PI4KA: variants seen among roughly 807,000 people sequenced by gnomAD.
PI4KA encodes the protein phosphatidylinositol 4-kinase alpha, also known as PI4-kinase alpha.
Under a neutral mutation model 271.4 loss-of-function variants are expected in PI4KA, and 122 were observed. That is an observed-to-expected ratio of 0.45 (90% CI 0.39 to 0.52). The LOEUF (loss-of-function observed/expected upper bound fraction) is 0.52. PI4KA is among the 20% of genes least tolerant of loss of function. The probability of loss-of-function intolerance (pLI) is 0.00; values close to 1 mark genes in which losing one functional copy is unlikely to be tolerated. For synonymous variants in PI4KA, 1,041 were observed against 1,078.8 expected, an observed-to-expected ratio of 0.96 and a Z score of 0.69; for missense variants, 1,969 against 2,769.1, an observed-to-expected ratio of 0.71 and a Z score of 6.48.
chr22:20,780,775 C>CAAAAAAAAAAAAAAAAAAAAAAAAAAAAA (rs538327544), intron 19 of PI4KA, among the ~76,000 whole-genome samples: 11 of 67,664 alleles, frequency 1.6e-4, no homozygotes, highest in East Asian at 4.6e-4. Context: ...GACTCCATCT[C>CAAAAAAAAAAAAAAAAAAAAAAAAAAAAA]AAAAAAAAAA....
intron 43 of PI4KA, among the ~76,000 whole-genome samples, chr22:20,719,499 G>A (rs1195109747): frequency 6.6e-6 from 1 of 152,164 alleles, no homozygotes; most frequent in Non-Finnish European, 1.5e-5. Context: ...GGCAGGCGCT[G>A]TCCTGAGAAG....
rs774801405 is a variant in PI4KA, at chr22:20,753,155, G to A, written c.2817C>T (p.Val939=). 1.4e-5 allele frequency: 22 copies of A among 1,613,284 alleles called. No individual in the cohort carries two copies. The highest frequency in any genetic ancestry group is 4.0e-5 in the African/African-American group (3 of 75,016). Residue 939 remains valine, a synonymous_variant, in exon 24 of 55, where the codon GTC becomes GTT. Coordinates refer to ENST00000255882, the MANE Select transcript of PI4KA (RefSeq NM_058004.4). ...KSGMMQCVIA[V]ADKVFDAFLN... is the part of the protein sequence containing the mutation. ...GGAAGGCATCGAATACTTTGTCCGC[G>A]ACTGCAATCACACACTGCATCATCC...
intron 3 of PI4KA, among the ~76,000 whole-genome samples, chr22:20,824,729 AAATCACACACACACACAC>A (rs1379197913): frequency 7.5e-6 from 1 of 133,710 alleles, no homozygotes; most frequent in Admixed American, 8.4e-5. Flanking sequence ...TAAATGTGAT[AAATCACACACACACACAC>A]ACACACACAC....
At chr22:20,715,838 T>C (rs1470220268) in intron 45 of PI4KA, among the ~76,000 whole-genome samples, 1 of 152,202 alleles carries the variant, frequency 6.6e-6, no homozygotes, top group African/African-American at 2.4e-5. Flanking sequence ...TCAGGGACCA[T>C]GTCTTACTCA....
At chr22:20,798,148 T>A (rs547727785) in intron 17 of PI4KA, among the ~76,000 whole-genome samples, 33 of 152,222 alleles carry the variant, frequency 2.2e-4, no homozygotes, top group Non-Finnish European at 3.8e-4. Flanking sequence ...GATATGTAGC[T>A]GTTAGGCTGT....
chr22:20,799,140 C>T lies in PI4KA; in HGVS notation c.1957G>A (p.Asp653Asn). Residue 653 changes from aspartate to asparagine, a missense_variant, in exon 16 of 55, where the codon GAT becomes AAT. By Grantham distance (23) the Asp-to-Asn change is conservative. This residue lies in a region of PI4KA where 228 missense variants were observed against 261.6 expected (regional missense o/e 0.87). Transcript: ENST00000255882. The part of the protein sequence containing the change: ...QKFCQPPSPL[D>N]VLIIDQLGCL... ...CCCAGCTGGTCAATAATCAGCACAT[C>T]GAGGGGGGAGGGTGGCTGGCAGAAT... 2 of 1,613,212 alleles carry T rather than the reference C, an allele frequency of 1.2e-6. No homozygotes were observed. The highest frequency in any genetic ancestry group is 1.7e-6 in the Non-Finnish European group (2 of 1,179,670).
intron 19 of PI4KA, among the ~76,000 whole-genome samples, chr22:20,789,214 T>G (rs993420644): frequency 6.6e-6 from 1 of 152,224 alleles, no homozygotes; most frequent in African/African-American, 2.4e-5. Flanking sequence ...GCAGGTTCTG[T>G]GCCTCAGTAT....
intron 11 of PI4KA, 80 bp downstream of exon 11, chr22:20,804,894 G>T: frequency 8.7e-7 from 1 of 1,151,962 alleles, no homozygotes; most frequent in South Asian, 1.4e-5. Flanking sequence ...TGTTCTAGAA[G>T]TAGTTTGGGG....
chr22:20,731,306 G>C (rs1418350293), intron 36 of PI4KA, among the ~76,000 whole-genome samples: 1 of 152,228 alleles, frequency 6.6e-6, no homozygotes, highest in Non-Finnish European at 1.5e-5. Flanking sequence ...GCCTGTGGGG[G>C]CAGACTGTAA....
intron 19 of PI4KA, among the ~76,000 whole-genome samples, chr22:20,769,837 A>G (rs190073756): frequency 6.6e-6 from 1 of 152,286 alleles, no homozygotes; most frequent in East Asian, 1.9e-4. Context: ...CTTGGACTAG[A>G]CATGTGATAT....
In PI4KA at chr22:20,819,788, A is replaced by C. The variant is rs991235196; in HGVS notation, c.642T>G (p.Pro214=). The C allele has an allele frequency of 6.2e-7, 1 of 1,614,180 alleles. No individual in the cohort carries two copies. The highest frequency in any genetic ancestry group is 8.5e-7 in the Non-Finnish European group (1 of 1,180,012). Reference sequence around the variant, plus strand: ...GCTCTTCCAGGACACGGAGGGAATGAGGAGGGATTTTGGGAAAGAGCTTTG... The same window carrying C: ...GCTCTTCCAGGACACGGAGGGAATGCGGAGGGATTTTGGGAAAGAGCTTTG... ...LLSKLFPKIP[P]HSLRVLEELE... The change falls in exon 6 of 55, where the codon CCT becomes CCG. Residue 214 remains proline (P), a synonymous_variant. Transcript: ENST00000255882.
At chr22:20,856,876 G>A (rs1927664004) in intron 1 of PI4KA, among the ~76,000 whole-genome samples, 1 of 152,214 alleles carries the variant, frequency 6.6e-6, no homozygotes, top group South Asian at 2.1e-4. Context: ...TGAGTGGAAA[G>A]GGTGCTACCA....
intron 19 of PI4KA, among the ~76,000 whole-genome samples, chr22:20,772,934 T>A (rs944342837): frequency 6.6e-6 from 1 of 151,410 alleles, no homozygotes; most frequent in Non-Finnish European, 1.5e-5. Flanking sequence ...TACAAAAAAG[T>A]CAAAAGTTAG....
chr22:20,770,531 A>AG (rs1377949489), intron 19 of PI4KA, among the ~76,000 whole-genome samples: 4 of 100,060 alleles, frequency 4.0e-5, no homozygotes, highest in African/African-American at 8.9e-5. Context: ...AAAAAAAAAA[A>AG]AGAGAGAGAG....
At chr22:20,749,241 T>A (rs191399192) in intron 28 of PI4KA, among the ~76,000 whole-genome samples, 22 of 152,346 alleles carry the variant, frequency 1.4e-4, no homozygotes, top group African/African-American at 5.1e-4. Context: ...TTTGAGCCTG[T>A]TTCATCTTTA....
At chr22:20,823,869 G>A (rs539980748) in intron 4 of PI4KA, among the ~76,000 whole-genome samples, 21 of 152,170 alleles carry the variant, frequency 1.4e-4, no homozygotes, top group Non-Finnish European at 1.8e-4. Flanking sequence ...TGAGGTGGAC[G>A]GCAGAGGTTG....
intron 14 of PI4KA, among the ~76,000 whole-genome samples, chr22:20,800,527 CCTT>C (rs1935234517): frequency 6.6e-6 from 1 of 151,908 alleles, no homozygotes; most frequent in South Asian, 2.1e-4. Flanking sequence ...AATGGATAAT[CCTT>C]CTCTTTTTAC....
rs866590001 is a variant in PI4KA, at chr22:20,832,947, A to C, written c.367+1615T>G. On this transcript the variant is annotated intron_variant, in intron 3 of 54. Coordinates refer to ENST00000255882, the MANE Select transcript of PI4KA (RefSeq NM_058004.4). ...GCTGGGGAACTAGTGCAGTCAACTTAGCAGCAAGAAGACACTGGCTTTTGG... is the reference window on the plus strand; with the variant it reads ...GCTGGGGAACTAGTGCAGTCAACTTCGCAGCAAGAAGACACTGGCTTTTGG... 1.2e-4 allele frequency among the ~76,000 whole-genome samples: 19 copies of C among 152,346 alleles called. No individual in the cohort carries two copies. The Middle Eastern group carries it at 0.014, about 109-fold the overall frequency.
rs776279444 is a variant in PI4KA, at chr22:20,764,916, T to C, written c.2609A>G (p.Asn870Ser). The C allele has an allele frequency of 2.5e-6, 4 of 1,613,000 alleles. No homozygotes were observed. The highest frequency in any genetic ancestry group is 2.5e-6 in the Non-Finnish European group (3 of 1,179,390). ...CACCTCGGGAGGGGGGTCCAGCAGG[T>C]TGATGATAGTGCTGCGGAGCTCACT... ...ELSELRSTII[N>S]LLDPPPEVSA... is the part of the protein sequence containing the mutation. Residue 870 changes from asparagine to serine, a missense_variant, in exon 22 of 55, where the codon AAC becomes AGC. Around this residue, in one of 13 missense-constraint regions of PI4KA, gnomAD observed 368 missense variants for 544.3 expected, o/e 0.68. Coordinates refer to ENST00000255882, the MANE Select transcript of PI4KA (RefSeq NM_058004.4).
Sources: gnomAD v4.1 joint callset for allele counts (sites outside exome capture counted in the v4.1 genomes callset) on GRCh38, gnomAD v4.1.1 for gene constraint, gnomAD v4.1.1 regional missense constraint, MANE v1.5 for transcripts, NCBI Gene and HGNC (gene_info 2026-07-23, HGNC 2026-07-21) for gene names.